Variants in NBEA observed in about 807,000 individuals in gnomAD.
NBEA encodes the protein lysosomal-trafficking regulator 2.
A neutral mutation model predicts 343.4 loss-of-function variants in NBEA; 44 were observed. That is an observed-to-expected ratio of 0.13 (90% confidence interval 0.10 to 0.16). The LOEUF is 0.16. NBEA is among the 10% of genes least tolerant of loss of function. NBEA has a pLI of 1.00. For missense variants in NBEA, 2,555 were observed against 3,631.3 expected (o/e 0.70, Z 7.62); for synonymous variants, 1,175 against 1,238.7 (o/e 0.95, Z 1.08).
intron 32 of NBEA, among the ~76,000 whole-genome samples, chr13:35,209,552 A>G (rs1474440947): frequency 6.6e-6 from 1 of 152,018 alleles, no homozygotes; most frequent in Non-Finnish European, 1.5e-5. Flanking sequence ...TATTAGCTAA[A>G]TAAATCCTTA....
chr13:35,000,927 A>C (rs1382981756), intron 1 of NBEA, among the ~76,000 whole-genome samples: 1 of 152,022 alleles, frequency 6.6e-6, no homozygotes, highest in Non-Finnish European at 1.5e-5. Flanking sequence ...AGCCTTGAGA[A>C]ACACTTGGCA....
At chr13:35,161,457 T>C (rs2069552787) in intron 22 of NBEA, among the ~76,000 whole-genome samples, 1 of 152,156 alleles carries the variant, frequency 6.6e-6, no homozygotes, top group African/African-American at 2.4e-5. Context: ...TTAAAGACTC[T>C]TAATGGGGTA....
intron 33 of NBEA, among the ~76,000 whole-genome samples, chr13:35,225,629 TG>T (rs909349879): frequency 1.1e-4 from 17 of 152,150 alleles, no homozygotes; most frequent in African/African-American, 4.1e-4. Context: ...TCTATAGCTC[TG>T]GGGGTTTTAT....
At chr13:35,047,221 G>T (rs1169471368) in intron 4 of NBEA, among the ~76,000 whole-genome samples, 6 of 151,866 alleles carry the variant, frequency 4.0e-5, no homozygotes. Flanking sequence ...GTGTGTGTGT[G>T]TGTGTGTATT....
chr13:35,391,829 T>A (rs935520570), intron 38 of NBEA, among the ~76,000 whole-genome samples: 8 of 152,180 alleles, frequency 5.3e-5, no homozygotes, highest in African/African-American at 1.9e-4. Context: ...TCAAACCAAG[T>A]CATCAGAAAG....
chr13:35,603,621 C>T (rs1251407613), intron 47 of NBEA, among the ~76,000 whole-genome samples: 1 of 152,142 alleles, frequency 6.6e-6, no homozygotes. Context: ...ATATATTTTG[C>T]TATGTACATG....
At chr13:35,309,452 A>C (rs2037210281) in intron 35 of NBEA, 76 bp from the exon 36 acceptor site, 6 of 754,346 alleles carry the variant, frequency 8.0e-6, no homozygotes, top group Non-Finnish European at 1.3e-5. Context: ...TAACAATATC[A>C]ACATGATCCT....
At chr13:35,445,303 CTT>C (rs1211707434) in intron 39 of NBEA, among the ~76,000 whole-genome samples, 1 of 152,062 alleles carries the variant, frequency 6.6e-6, no homozygotes, top group Non-Finnish European at 1.5e-5. Context: ...TTTTTATCCT[CTT>C]GTTTTATTTA....
chr13:34,998,516 C>T (rs2061013878), intron 1 of NBEA, among the ~76,000 whole-genome samples: 1 of 152,142 alleles, frequency 6.6e-6, no homozygotes, highest in Non-Finnish European at 1.5e-5. Flanking sequence ...GAGACAGCTG[C>T]CCCCAAAGCG....
At chr13:35,477,653 G>T (rs1256872722) in intron 41 of NBEA, among the ~76,000 whole-genome samples, 1 of 152,162 alleles carries the variant, frequency 6.6e-6, no homozygotes, top group African/African-American at 2.4e-5. Flanking sequence ...GTTTACAGAT[G>T]TATAATTAAG....
intron 41 of NBEA, among the ~76,000 whole-genome samples, chr13:35,540,202 A>G (rs149385740): frequency 1.2e-3 from 179 of 152,080 alleles, no homozygotes; most frequent in African/African-American, 3.9e-3. Flanking sequence ...TAAAACAAAA[A>G]CCTCTAACCC....
At chr13:35,485,825 C>T (rs371157266) in intron 41 of NBEA, among the ~76,000 whole-genome samples, 13 of 152,104 alleles carry the variant, frequency 8.5e-5, no homozygotes, top group African/African-American at 3.1e-4. Context: ...AAACAAAAAT[C>T]AGAATAATAT....
At chr13:35,251,334 C>A in intron 34 of NBEA, 1 of 993,952 alleles carries the variant, frequency 1.0e-6, no homozygotes, top group Non-Finnish European at 1.2e-6. Context: ...TCACTGCCAG[C>A]TTCCTCACAT....
chr13:35,460,546 C>G (rs186267837), intron 40 of NBEA, among the ~76,000 whole-genome samples: 2 of 152,192 alleles, frequency 1.3e-5, no homozygotes, highest in East Asian at 3.9e-4. Flanking sequence ...CTCTTTGCCT[C>G]TTTTCATTAT....
chr13:35,409,886 C>A (rs983233125), intron 38 of NBEA, among the ~76,000 whole-genome samples: 1 of 151,936 alleles, frequency 6.6e-6, no homozygotes, highest in Non-Finnish European at 1.5e-5. Context: ...TTTTTCATGT[C>A]TTTATTTGAT....
chr13:35,176,853 G>A, intron 27 of NBEA, 143 bp from the exon 28 acceptor site: 1 of 574,132 alleles, frequency 1.7e-6, no homozygotes, highest in Non-Finnish European at 3.1e-6. Context: ...AATATGCATT[G>A]TAATAGAGGA....
At chr13:35,407,132 G>GT (rs1282319344) in intron 38 of NBEA, among the ~76,000 whole-genome samples, 57 of 91,184 alleles carry the variant, frequency 6.3e-4, no homozygotes, top group Non-Finnish European at 1.4e-3. Flanking sequence ...GCTAATTTTT[G>GT]TGTTTTTTTT....
chr13:35,506,668 A>T (rs1291643123), intron 41 of NBEA, among the ~76,000 whole-genome samples: 1 of 152,150 alleles, frequency 6.6e-6, no homozygotes, highest in African/African-American at 2.4e-5. Flanking sequence ...TTGAGTTAGA[A>T]TTTGTGATAA....
chr13:35,273,669 T>C (rs1051534467), intron 34 of NBEA, among the ~76,000 whole-genome samples: 3 of 152,092 alleles, frequency 2.0e-5, no homozygotes, highest in Middle Eastern at 3.4e-3. Flanking sequence ...CAATAAAAAA[T>C]GATAAAGGGG....
Sources: gnomAD v4.1 joint callset for allele counts (sites outside exome capture counted in the v4.1 genomes callset) on GRCh38, gnomAD v4.1.1 for gene constraint, MANE v1.5 for transcripts, NCBI Gene and HGNC (gene_info 2026-07-23, HGNC 2026-07-21) for gene names.